WDR27: variants seen among roughly 807,000 people sequenced by gnomAD.
WDR27 encodes the protein WD repeat-containing protein 27.
Under a neutral mutation model 114.4 loss-of-function variants are expected in WDR27, and 100 were observed. The ratio of observed to expected loss-of-function variants is 0.87; its 90% CI spans 0.74 to 1.03. The LOEUF is 1.03. Among genes scored for constraint, WDR27 ranks in the 50% least tolerant of loss-of-function variants. WDR27 has a pLI of 0.00. For synonymous variants in WDR27, 449 were observed against 423.1 expected, an observed-to-expected ratio of 1.06 and a Z score of -0.75; for missense variants, 1,129 against 1,092.9, an observed-to-expected ratio of 1.03 and a Z score of -0.47.
At chr6:169,617,322 T>C (rs1176938234) in intron 21 of WDR27, among the ~76,000 whole-genome samples, 1 of 152,116 alleles carries the variant, frequency 6.6e-6, no homozygotes, top group African/African-American at 2.4e-5. Context: ...AGCCCACAGA[T>C]TGGTTCAATC....
chr6:169,639,036 C>A (rs544334690), intron 17 of WDR27, among the ~76,000 whole-genome samples: 1 of 132,124 alleles, frequency 7.6e-6, no homozygotes, highest in Non-Finnish European at 1.7e-5. Flanking sequence ...CTGGGTACTG[C>A]GTGGTGCTGG....
intron 7 of WDR27, 120 bp downstream of exon 7, chr6:169,665,366 G>A: frequency 6.9e-7 from 1 of 1,453,614 alleles, no homozygotes; most frequent in Middle Eastern, 1.8e-4. Flanking sequence ...CAGCACTGAG[G>A]TGGACAGGTT....
intron 1 of WDR27, among the ~76,000 whole-genome samples, chr6:169,697,588 C>T (rs1585241201): frequency 1.3e-5 from 2 of 152,328 alleles, no homozygotes; most frequent in South Asian, 4.1e-4. Context: ...CTTCAGGTTC[C>T]ATCCGGTACA....
At position 169,643,799 on chromosome 6, in the gene WDR27, T is replaced by A; in HGVS notation, c.1658-13A>T. On this transcript the variant is annotated splice_polypyrimidine_tract_variant and intron_variant, in intron 16 of 25. Transcript: ENST00000448612. ...CACTGCCCATCTCCTGTTAAAAGAA[T>A]TTTAAAAAAAGACTTCTTAGAAAAG... The A allele has an allele frequency of 6.2e-7, 1 of 1,604,560 alleles. No homozygotes were observed. Among genetic ancestry groups the A allele is most frequent in the Non-Finnish European group, 8.5e-7 (1 of 1,175,288 alleles).
At chr6:169,680,697 A>G (rs1319652320) in intron 2 of WDR27, among the ~76,000 whole-genome samples, 1 of 152,244 alleles carries the variant, frequency 6.6e-6, no homozygotes, top group Non-Finnish European at 1.5e-5. Context: ...AGTAAAATGC[A>G]TGACAACAAA....
At chr6:169,449,821 C>T in the WDR27 span, among the ~76,000 whole-genome samples, 1 of 152,128 alleles carries the variant, frequency 6.6e-6, no homozygotes, top group Non-Finnish European at 1.5e-5. Context: ...TGTCCATAAC[C>T]ATCGTGGAAA....
intron 14 of WDR27, 65 bp downstream of exon 14, chr6:169,651,865 G>T (rs1454591405): frequency 1.7e-5 from 24 of 1,409,638 alleles, no homozygotes; most frequent in Middle Eastern, 1.8e-4. Context: ...GTCCCTATTT[G>T]TGTTAAAATC....
chr6:169,626,716 A>G (rs1230703242), intron 21 of WDR27, among the ~76,000 whole-genome samples: 4 of 152,224 alleles, frequency 2.6e-5, no homozygotes, highest in African/African-American at 7.2e-5. Flanking sequence ...AGATGAGGCC[A>G]TTGTTCCACA....
At chr6:169,674,066 A>G (rs1382943465) in intron 2 of WDR27, among the ~76,000 whole-genome samples, 1 of 152,256 alleles carries the variant, frequency 6.6e-6, no homozygotes, top group Non-Finnish European at 1.5e-5. Context: ...TGCCCTGAGC[A>G]TGACTGGCTA....
chr6:169,538,740 A>G (rs1003180648), intron 25 of WDR27, among the ~76,000 whole-genome samples: 1 of 151,716 alleles, frequency 6.6e-6, no homozygotes, highest in African/African-American at 2.4e-5. Flanking sequence ...ACACACAAAC[A>G]CACTTATATA....
At chr6:169,599,139 TC>T (rs1390749380) in intron 23 of WDR27, among the ~76,000 whole-genome samples, 1 of 102,174 alleles carries the variant, frequency 9.8e-6, no homozygotes, top group Non-Finnish European at 2.0e-5. Flanking sequence ...CCCTCCCCCC[TC>T]CCCCCACACC....
intron 1 of WDR27, among the ~76,000 whole-genome samples, chr6:169,695,819 C>T (rs1303915296): frequency 6.6e-6 from 1 of 152,150 alleles, no homozygotes; most frequent in Non-Finnish European, 1.5e-5. Context: ...TAAATACTTT[C>T]CTTAACTAAG....
At chr6:169,500,427 G>T (rs1791020561) in intron 25 of WDR27, among the ~76,000 whole-genome samples, 1 of 152,116 alleles carries the variant, frequency 6.6e-6, no homozygotes. Flanking sequence ...TGAAAATCCA[G>T]GAGCTATCTG....
intron 25 of WDR27, among the ~76,000 whole-genome samples, chr6:169,569,702 A>G (rs1315207690): frequency 6.6e-6 from 1 of 152,236 alleles, no homozygotes; most frequent in African/African-American, 2.4e-5. Flanking sequence ...TAAAATATCA[A>G]CATCCTTAAA....
At chr6:169,637,903 C>T (rs571996084) in intron 18 of WDR27, among the ~76,000 whole-genome samples, 77 of 150,638 alleles carry the variant, frequency 5.1e-4, no homozygotes, top group East Asian at 3.2e-3. Context: ...CATCTATATG[C>T]GTGTGCCTCT....
intron 2 of WDR27, among the ~76,000 whole-genome samples, chr6:169,686,275 T>C (rs1378487969): frequency 6.6e-6 from 1 of 151,902 alleles, no homozygotes; most frequent in Non-Finnish European, 1.5e-5. Flanking sequence ...GTAGACCCAA[T>C]ACACAAAGGA....
intron 1 of WDR27, among the ~76,000 whole-genome samples, chr6:169,697,709 TG>T (rs1208458627): frequency 6.6e-6 from 1 of 152,228 alleles, no homozygotes; most frequent in Non-Finnish European, 1.5e-5. Flanking sequence ...CTCTCTGCCT[TG>T]GCTGCCAGGC....
chr6:169,477,515 T>C (rs993845492), intron 25 of WDR27, among the ~76,000 whole-genome samples: 1 of 152,204 alleles, frequency 6.6e-6, no homozygotes, highest in Non-Finnish European at 1.5e-5. Context: ...CTCAGCTCGC[T>C]GAAACCTCCG....
intron 24 of WDR27, among the ~76,000 whole-genome samples, chr6:169,581,135 G>A (rs151106203): frequency 3.3e-5 from 5 of 151,644 alleles, no homozygotes; most frequent in African/African-American, 9.7e-5. Context: ...CTATATTTAC[G>A]CCATATTTGC....
Sources: allele counts gnomAD v4.1 joint callset (sites outside exome capture counted in the v4.1 genomes callset), GRCh38; gene constraint gnomAD v4.1.1; transcripts MANE v1.5; gene names NCBI Gene and HGNC (gene_info 2026-07-23, HGNC 2026-07-21).